The following MDC1 variants were observed in gnomAD, a reference collection of about 807,000 sequenced individuals.
MDC1 encodes mediator of DNA damage checkpoint protein 1.
MDC1 carries 81 observed loss-of-function variants against 142.5 expected under a neutral mutation model. That is an observed-to-expected ratio of 0.57 (90% CI 0.47 to 0.68). The LOEUF is 0.68. Among genes scored for constraint, MDC1 ranks in the 30% least tolerant of loss-of-function variants. The pLI is 0.00. For synonymous variants in MDC1, 797 were observed against 968.4 expected (o/e 0.82, Z 3.29); for missense variants, 2,119 against 2,547.9 (o/e 0.83, Z 3.62).
chr6:30,706,165 CT>C, intron 9 of MDC1, 67 bp from the exon 10 acceptor site: 2 of 1,326,152 alleles, frequency 1.5e-6, no homozygotes, highest in Non-Finnish European at 2.0e-6. Flanking sequence ...GGATACTGTT[CT>C]TGATACTTGT....
Position 30,705,491 on chromosome 6 carries a change from C to A in MDC1, c.3692G>T (p.Arg1231Ile), listed in dbSNP as rs771197050. The A allele has an allele frequency of 1.2e-6, 2 of 1,604,890 alleles. No individual in the cohort carries two copies. Among genetic ancestry groups the A allele is most frequent in the Non-Finnish European group, 1.7e-6 (2 of 1,176,698 alleles). The part of the protein sequence containing the change: ...SEPTSQATRG[R>I]KNRSSVKTPE... ...GGTCTTGACAGAGGATCTATTTTTTCTTCCCCTAGTAGCCTGAGAGGTGGG... is the reference window on the plus strand; with the variant it reads ...GGTCTTGACAGAGGATCTATTTTTTATTCCCCTAGTAGCCTGAGAGGTGGG... The change falls in exon 10 of 15, where the codon AGA becomes ATA. Residue 1231 changes from arginine (R) to isoleucine (I), a missense_variant. Arg to Ile is a moderately conservative substitution (Grantham distance 97). Transcript: ENST00000376406.
In MDC1 at chr6:30,700,316, T is replaced by G. The variant is rs113970104; in HGVS notation, c.*149A>C. The G allele has an allele frequency of 2.4e-3, 1,944 of 794,990 alleles. 13 individuals carry two copies. The highest frequency in any genetic ancestry group is 0.015 in the Middle Eastern group (41 of 2,742). The allele number at this position is 794,990 out of a possible 1,614,324, so 49.2% of individuals were successfully genotyped here. ...CAACCTGTGGCTTCCAAATCCCTTA[T>G]CTTTTCATTTATTCATAAAGATTTC... On this transcript the variant is annotated 3_prime_UTR_variant, in exon 15 of 15. Coordinates refer to ENST00000376406, the MANE Select transcript of MDC1 (RefSeq NM_014641.3).
At position 30,700,400 on chromosome 6, in the gene MDC1, CCT is replaced by C; in HGVS notation, c.*63_*64del. 6.5e-7 allele frequency: 1 copy of C among 1,542,042 alleles called. No homozygotes were observed. The highest frequency in any genetic ancestry group is 8.8e-7 in the Non-Finnish European group (1 of 1,131,260). ...AATATACCCCAATCCTTTCTAACGCCCTGAGTTCTTTCTTCCACATATCTTCT... is the reference window on the plus strand; with the variant it reads ...AATATACCCCAATCCTTTCTAACGCCGAGTTCTTTCTTCCACATATCTTCT... On this transcript the variant is annotated 3_prime_UTR_variant, in exon 15 of 15. Coordinates refer to ENST00000376406, the MANE Select transcript of MDC1 (RefSeq NM_014641.3).
In MDC1 at chr6:30,705,220, G is replaced by A. The variant is rs375051626; in HGVS notation, c.3963C>T (p.Thr1321=). ...RSRTNMSSVK[T]PETVVPTAPE... ...GGGCTGTGGGGACAACTGTTTCAGG[G>A]GTCTTGACAGAGGACATATTTGTCC... The change falls in exon 10 of 15, where the codon ACC becomes ACT. Residue 1321 remains threonine (T), a synonymous_variant. Coordinates refer to ENST00000376406, the MANE Select transcript of MDC1 (RefSeq NM_014641.3). The A allele has an allele frequency of 6.9e-6, 11 of 1,591,934 alleles. No individual in the cohort carries two copies. Among genetic ancestry groups the A allele is most frequent in the Non-Finnish European group, 9.4e-6 (11 of 1,170,484 alleles).
intron 14 of MDC1, 130 bp from the exon 15 acceptor site, chr6:30,700,762 T>C (rs2127647575): frequency 2.2e-6 from 2 of 904,274 alleles, no homozygotes; most frequent in South Asian, 3.3e-5. Flanking sequence ...GCACACCGCA[T>C]ACTGTCTATG....
chr6:30,703,388 C>G lies in MDC1; in HGVS notation c.5682+30G>C. The G allele has an allele frequency of 6.2e-7, 1 of 1,613,560 alleles. No individual in the cohort carries two copies. Among genetic ancestry groups the G allele is most frequent in the African/African-American group, 1.3e-5 (1 of 75,066 alleles). The stretch of plus-strand genomic sequence containing the variant: ...TTGCATCCTCCCCTCATCTCTGTCT[C>G]CCACAAAGTCCCATGCCTTTGTCTC... On this transcript the variant is annotated intron_variant, in intron 11 of 14. Transcript: ENST00000376406. The surrounding 1 kb of genome is among the most constrained non-coding windows in gnomAD (Gnocchi z 4.4).
intron 2 of MDC1, 48 bp from the exon 3 acceptor site, chr6:30,714,231 G>T (rs752059125): frequency 3.2e-6 from 5 of 1,544,450 alleles, no homozygotes; most frequent in Non-Finnish European, 4.3e-6. Flanking sequence ...GTCCTGGCCT[G>T]TCATTAGGAA....
chr6:30,705,178 G>A lies in MDC1; in HGVS notation c.4005C>T (p.Ser1335=). Residue 1335 remains serine, a synonymous_variant, in exon 10 of 15, where the codon TCC becomes TCT. Coordinates refer to ENST00000376406, the MANE Select transcript of MDC1 (RefSeq NM_014641.3). ...VVPTAPELQI[S]TSTDQPVTPK... ...GGGTGACAGGTTGGTCTGTGGAGGT[G>A]GAAATCTGGAGCTCAGGGGCTGTGG... The A allele has an allele frequency of 6.3e-7, 1 of 1,595,714 alleles. No homozygotes were observed. Among genetic ancestry groups the A allele is most frequent in the South Asian group, 1.1e-5 (1 of 88,802 alleles).
chr6:30,714,662 T>C (rs547579559), intron 2 of MDC1, among the ~76,000 whole-genome samples: 1 of 152,010 alleles, frequency 6.6e-6, no homozygotes, highest in East Asian at 1.9e-4. Context: ...AGATGTGAAA[T>C]GAACCACCAC....
intron 2 of MDC1, among the ~76,000 whole-genome samples, chr6:30,714,669 C>T (rs899879757): frequency 6.6e-6 from 1 of 152,034 alleles, no homozygotes; most frequent in Non-Finnish European, 1.5e-5. Context: ...AAATGAACCA[C>T]CACACCTGGC....
In MDC1 at chr6:30,716,700, C is replaced by T. The variant is rs1775710937; in HGVS notation, c.-4+545G>A. 6.6e-6 allele frequency among the ~76,000 whole-genome samples: 1 copy of T among 152,182 alleles called. No individual in the cohort carries two copies. Among genetic ancestry groups the T allele is most frequent in the African/African-American group, 2.4e-5 (1 of 41,432 alleles). On this transcript the variant is annotated intron_variant, in intron 1 of 14. Coordinates refer to ENST00000376406, the MANE Select transcript of MDC1 (RefSeq NM_014641.3). This position sits in a 1 kb window ranked among gnomAD's most constrained non-coding sequence, Gnocchi z 4.4. ...CACCTCCAGGACTGGATTAGGGGAA[C>T]CGTGTCTTTCCCCTAGGGTCCATCA...
Position 30,706,065 on chromosome 6 carries a change from G to A in MDC1, c.3118C>T (p.Pro1040Ser). 1.3e-6 allele frequency: 2 copies of A among 1,595,520 alleles called. No homozygotes were observed. Among genetic ancestry groups the A allele is most frequent in the Non-Finnish European group, 1.7e-6 (2 of 1,177,802 alleles). ...GGGGCTGGGGCTTCAGGTACTGTAG[G>A]AGGCAGACAAGCATCTGGAGATTCC... ...DQESPDACLP[P>S]TVPEAPAPPQ... Residue 1040 changes from proline to serine, a missense_variant, in exon 10 of 15, where the codon CCT (proline) becomes TCT (serine). Physicochemically the swap from Pro to Ser is moderately conservative, Grantham distance 74 (BLOSUM62 -1). Coordinates refer to ENST00000376406, the MANE Select transcript of MDC1 (RefSeq NM_014641.3).
In MDC1 at chr6:30,713,114, C is replaced by T; in HGVS notation, c.828G>A (p.Arg276=). Residue 276 remains arginine, a synonymous_variant, in exon 5 of 15, where the codon AGG becomes AGA. Transcript: ENST00000376406. This position sits in a 1 kb window ranked among gnomAD's most constrained non-coding sequence, Gnocchi z 4.9. ...KERDNDTKVK[R]GAGNGVVPAG... ...CTGGAACCACCCCATTCCCTGCACC[C>T]CTCTTGACTTTTGTATCATTGTCCC... is the stretch of plus-strand genomic sequence containing the variant. 6.2e-7 allele frequency: 1 copy of T among 1,613,078 alleles called. No individual in the cohort carries two copies. Among genetic ancestry groups the T allele is most frequent in the South Asian group, 1.1e-5 (1 of 91,076 alleles).
chr6:30,703,292 G>A lies in MDC1; in HGVS notation c.5683-6C>T. 1 of 1,610,612 alleles carries A rather than the reference G, an allele frequency of 6.2e-7. No individual in the cohort carries two copies. Among genetic ancestry groups the A allele is most frequent in the Non-Finnish European group, 8.5e-7 (1 of 1,178,096 alleles). On this transcript the variant is annotated splice_region_variant and splice_polypyrimidine_tract_variant and intron_variant, in intron 11 of 14. Coordinates refer to ENST00000376406, the MANE Select transcript of MDC1 (RefSeq NM_014641.3). This position sits in a 1 kb window ranked among gnomAD's most constrained non-coding sequence, Gnocchi z 4.4. ...ACCACTCCTGTGAAGAGCACCTGTG[G>A]AAGGGTTGACCTGAGGTGGTTACGG...
intron 14 of MDC1, among the ~76,000 whole-genome samples, chr6:30,701,261 C>T (rs932493134): frequency 7.3e-5 from 11 of 151,632 alleles, no homozygotes; most frequent in African/African-American, 2.4e-4. Context: ...ATTAGCTGGG[C>T]GTGGTGGTGT....
Position 30,707,425 on chromosome 6 carries a change from C to T in MDC1, c.3043G>A (p.Glu1015Lys). The change falls in exon 9 of 15, where the codon GAG becomes AAG. Residue 1015 changes from glutamate to lysine, a missense_variant. Glu to Lys is a moderately conservative substitution (Grantham distance 56). Transcript: ENST00000376406. The part of the protein sequence containing the change: ...GLLNCKMPPA[E>K]KASRIRAAEK... ...GCAGCTCTGATCCTGGAAGCCTTCT[C>T]AGCAGGTGGCATCTTGCAATTCAGG... The T allele has an allele frequency of 6.2e-7, 1 of 1,613,128 alleles. No individual in the cohort carries two copies. The highest frequency in any genetic ancestry group is 8.5e-7 in the Non-Finnish European group (1 of 1,180,044).
chr6:30,708,856 A>AAAAAAAAAAAAAAAAAAAAC (rs1491097553), intron 7 of MDC1, among the ~76,000 whole-genome samples: 2 of 98,688 alleles, frequency 2.0e-5, no homozygotes, highest in African/African-American at 1.3e-4. Context: ...ACTCTGTCTC[A>AAAAAAAAAAAAAAAAAAAAC]AAAAAAAAAA....
At position 30,704,678 on chromosome 6, in the gene MDC1, G is replaced by C; in HGVS notation, c.4505C>G (p.Thr1502Arg). 6.2e-7 allele frequency: 1 copy of C among 1,610,576 alleles called. No individual in the cohort carries two copies. The highest frequency in any genetic ancestry group is 8.5e-7 in the Non-Finnish European group (1 of 1,178,160). ...TAPELQASAS[T>R]DQPVTSEPTS... The stretch of plus-strand genomic sequence containing the variant: ...GGGCTCAGAGGTGACAGGCTGGTCT[G>C]TGGAGGCGGAAGCCTGTAGCTCAGG... The change falls in exon 10 of 15, where the codon ACA becomes AGA. Residue 1502 changes from threonine (T) to arginine (R), a missense_variant. Thr to Arg is a moderately conservative substitution (Grantham distance 71). Coordinates refer to ENST00000376406, the MANE Select transcript of MDC1 (RefSeq NM_014641.3).
At position 30,713,623 on chromosome 6, in the gene MDC1, A is replaced by C. The variant is rs1229650846; in HGVS notation, c.587+25T>G. On this transcript the variant is annotated intron_variant, in intron 4 of 14. Coordinates refer to ENST00000376406, the MANE Select transcript of MDC1 (RefSeq NM_014641.3). The surrounding 1 kb of genome is among the most constrained non-coding windows in gnomAD (Gnocchi z 4.9). ...TGGTTCTTCCTCATTTTGAAGACTC[A>C]GGTGTCTGACTCTTTGGCACTCACC... 6.2e-7 allele frequency: 1 copy of C among 1,605,388 alleles called. No homozygotes were observed. Among genetic ancestry groups the C allele is most frequent in the African/African-American group, 1.3e-5 (1 of 74,624 alleles).
Sources: allele counts gnomAD v4.1 joint callset (sites outside exome capture counted in the v4.1 genomes callset), GRCh38; gene constraint gnomAD v4.1.1; non-coding constraint Gnocchi (gnomAD v3.1); transcripts MANE v1.5; gene names NCBI Gene and HGNC (gene_info 2026-07-23, HGNC 2026-07-21).